The following C4orf17 variants were observed in gnomAD, a reference collection of about 807,000 sequenced individuals.
The protein encoded by C4orf17 is chromosome 4 open reading frame 17, also known as uncharacterized protein C4orf17.
Under a neutral mutation model 32.0 loss-of-function variants are expected in C4orf17, and 25 were observed. The observed-to-expected ratio is 0.78, with a 90% CI of 0.57 to 1.09. The LOEUF is 1.09. Ranked by LOEUF, C4orf17 falls within the 50% of genes least tolerant of loss-of-function variation. The pLI, the probability that C4orf17 is intolerant of heterozygous loss-of-function variation, is 0.00. For synonymous variants in C4orf17, 149 were observed against 145.8 expected, an observed-to-expected ratio of 1.02 and a Z score of -0.16; for missense variants, 420 against 420.0, an observed-to-expected ratio of 1.00 and a Z score of 0.00.
chr4:99,539,309 CCAAATTTTA>C lies in C4orf17; in HGVS notation c.777_785del (p.Asn260_Thr262del). 2 of 1,614,030 alleles carry C rather than the reference CCAAATTTTA, an allele frequency of 1.2e-6. No individual in the cohort carries two copies. The highest frequency in any genetic ancestry group is 2.7e-5 in the African/African-American group (2 of 75,040). ...ATCACCACCCACAGTTAAATTGCCC[CCAAATTTTA>C]CTGCAAAATCAAAAGTGCTGACCAG... On this transcript the variant is annotated inframe_deletion, in exon 7 of 9. Transcript: ENST00000326581.
At chr4:99,524,498 A>G (rs2110169161) in intron 3 of C4orf17, 23 bp from the exon 4 acceptor site, 1 of 1,461,158 alleles carries the variant, frequency 6.8e-7, no homozygotes, top group Non-Finnish European at 9.6e-7. Flanking sequence ...ATCTAAATAC[A>G]TTTTTCCTCA....
intron 6 of C4orf17, among the ~76,000 whole-genome samples, 173 bp downstream of exon 6, chr4:99,537,923 A>G (rs533047143): frequency 6.6e-6 from 1 of 152,308 alleles, no homozygotes; most frequent in African/African-American, 2.4e-5. Context: ...AGCTGCATGC[A>G]TGTGGGTCAT....
At chr4:99,515,218 A>G (rs2110164866) in intron 2 of C4orf17, among the ~76,000 whole-genome samples, 1 of 152,222 alleles carries the variant, frequency 6.6e-6, no homozygotes, top group South Asian at 2.1e-4. Flanking sequence ...CCAGTAATAA[A>G]TCATTCTGTT....
At chr4:99,521,583 A>T (rs1437390052) in intron 2 of C4orf17, among the ~76,000 whole-genome samples, 1 of 152,208 alleles carries the variant, frequency 6.6e-6, no homozygotes, top group Non-Finnish European at 1.5e-5. Context: ...CAGAGTTGCC[A>T]GCAAAGATGA....
At chr4:99,541,393 A>T (rs1258931191) in intron 8 of C4orf17, 5 of 154,218 alleles carry the variant, frequency 3.2e-5, no homozygotes, top group African/African-American at 1.2e-4. Flanking sequence ...ATTCAACTTT[A>T]TGTCTTACCT....
In C4orf17 at chr4:99,524,475, CT is replaced by C. The variant is rs745787090; in HGVS notation, c.338-41del. 68 of 1,173,228 alleles carry C rather than the reference CT, an allele frequency of 5.8e-5. 1 individual carries two copies. In the African/African-American group the frequency reaches 8.4e-4, roughly 14 times the overall value. The allele number at this position is 1,173,228 out of a possible 1,614,324, so 72.7% of individuals were successfully genotyped here. On this transcript the variant is annotated intron_variant, in intron 3 of 8. Coordinates refer to ENST00000326581, the MANE Select transcript of C4orf17 (RefSeq NM_032149.3). ...ACACATATATCATGTGATATAAATT[CT>C]TTTTCAGTTTAATCTAAATACATTT... is the stretch of plus-strand genomic sequence containing the variant.
intron 2 of C4orf17, among the ~76,000 whole-genome samples, chr4:99,516,530 T>C (rs1031486481): frequency 6.6e-6 from 1 of 152,238 alleles, no homozygotes; most frequent in Non-Finnish European, 1.5e-5. Context: ...GCGAAGAGCC[T>C]GCCCTCAGGA....
At chr4:99,529,991 G>C in intron 5 of C4orf17, 33 bp downstream of exon 5, 1 of 1,565,640 alleles carries the variant, frequency 6.4e-7, no homozygotes, top group Non-Finnish European at 8.7e-7. Context: ...CCATAACTTG[G>C]AAACAGCATG....
In C4orf17 at chr4:99,516,943, C is replaced by T. The variant is rs534474180; in HGVS notation, c.127+3735C>T. ...AGGTTGCCACTATCCTTCAGTTAGA[C>T]AAATCCAATGCAAAGAGGATCTATT... is the stretch of plus-strand genomic sequence containing the variant. On this transcript the variant is annotated intron_variant, in intron 2 of 8. Coordinates refer to ENST00000326581, the MANE Select transcript of C4orf17 (RefSeq NM_032149.3). 9.2e-5 allele frequency among the ~76,000 whole-genome samples: 14 copies of T among 152,278 alleles called. No individual in the cohort carries two copies. The South Asian group carries it at 2.9e-3, about 32-fold the overall frequency.
intron 8 of C4orf17, 32 bp from the exon 9 acceptor site, chr4:99,541,878 T>C: frequency 6.7e-7 from 1 of 1,487,842 alleles, no homozygotes; most frequent in Non-Finnish European, 9.3e-7. Context: ...GTCTCAATTA[T>C]GGTCTTATTT....
rs1333984087 is a variant in C4orf17, at chr4:99,542,093, C to G, written c.1064C>G (p.Ser355Ter). The change falls in exon 9 of 9, where the codon TCA (serine) becomes TGA (stop). Residue 355 changes from serine (S) to a stop codon, truncating the protein, a stop_gained. Coordinates refer to ENST00000326581, the MANE Select transcript of C4orf17 (RefSeq NM_032149.3). LOFTEE classifies it high-confidence loss of function. ...TGTCCCCAAAGAGCATGTTATCCTT[C>G]AACACACCGGAGGTAGAAGTTCTAG... ...NLCPQRACYPSTHRR is the reference protein window; with the variant it reads ...NLCPQRACYP 6.2e-7 allele frequency: 1 copy of G among 1,613,798 alleles called. No individual in the cohort carries two copies. Among genetic ancestry groups the G allele is most frequent in the African/African-American group, 1.3e-5 (1 of 75,028 alleles).
At chr4:99,533,181 C>A (rs1314160597) in intron 5 of C4orf17, among the ~76,000 whole-genome samples, 1 of 152,136 alleles carries the variant, frequency 6.6e-6, no homozygotes, top group Admixed American at 6.5e-5. Context: ...CTAAATGATA[C>A]TGAATTACTT....
intron 2 of C4orf17, among the ~76,000 whole-genome samples, chr4:99,515,516 A>AG (rs527478727): frequency 0.024 from 3,597 of 152,188 alleles, 81 homozygotes; most frequent in Non-Finnish European, 0.037. Flanking sequence ...GGACACATAG[A>AG]GGGGAACAAC....
At chr4:99,519,841 G>A (rs1723255028) in intron 2 of C4orf17, among the ~76,000 whole-genome samples, 1 of 152,154 alleles carries the variant, frequency 6.6e-6, no homozygotes, top group Non-Finnish European at 1.5e-5. Flanking sequence ...ACTTGGGGTA[G>A]AGAGAGGAAA....
At chr4:99,528,346 A>T (rs1038826278) in intron 4 of C4orf17, among the ~76,000 whole-genome samples, 2 of 151,980 alleles carry the variant, frequency 1.3e-5, no homozygotes, top group Non-Finnish European at 2.9e-5. Context: ...TGCTGTTATT[A>T]GTTTTCTCTT....
At chr4:99,514,215 A>G (rs1723140549) in intron 2 of C4orf17, among the ~76,000 whole-genome samples, 1 of 152,204 alleles carries the variant, frequency 6.6e-6, no homozygotes, top group Non-Finnish European at 1.5e-5. Context: ...CATGACTAAG[A>G]CCACAAAAGC....
chr4:99,516,920 G>T (rs1320859691), intron 2 of C4orf17, among the ~76,000 whole-genome samples: 3 of 152,186 alleles, frequency 2.0e-5, no homozygotes, highest in Admixed American at 2.0e-4. Flanking sequence ...GCTTGCTAAG[G>T]TTGCCACTAT....
chr4:99,535,118 T>C (rs1231847496), intron 5 of C4orf17, among the ~76,000 whole-genome samples: 1 of 152,340 alleles, frequency 6.6e-6, no homozygotes, highest in East Asian at 1.9e-4. Flanking sequence ...GTTAGCCTGA[T>C]GGACTTCCCT....
intron 5 of C4orf17, among the ~76,000 whole-genome samples, chr4:99,534,489 T>C (rs1415662663): frequency 6.6e-6 from 1 of 152,224 alleles, no homozygotes; most frequent in Non-Finnish European, 1.5e-5. Context: ...CCTTTGGGTA[T>C]ATACCCAGTA....
Sources: allele counts gnomAD v4.1 joint callset (sites outside exome capture counted in the v4.1 genomes callset), GRCh38; gene constraint gnomAD v4.1.1; transcripts MANE v1.5; gene names NCBI Gene and HGNC (gene_info 2026-07-23, HGNC 2026-07-21).